Variants in ZCCHC7 observed in about 807,000 individuals in gnomAD.
The protein encoded by ZCCHC7 is zinc finger CCHC-type containing 7.
Under a neutral mutation model 52.0 loss-of-function variants are expected in ZCCHC7, and 35 were observed. The ratio of observed to expected loss-of-function variants is 0.67; its 90% CI spans 0.51 to 0.89. ZCCHC7 has a LOEUF of 0.89. Among genes scored for constraint, ZCCHC7 ranks in the 40% least tolerant of loss-of-function variants. ZCCHC7 has a pLI of 0.00. For missense variants in ZCCHC7, 574 were observed against 649.1 expected (o/e 0.88, Z 1.26); for synonymous variants, 217 against 221.5 (o/e 0.98, Z 0.18).
At chr9:37,161,362 T>A (rs892468110) in intron 2 of ZCCHC7, among the ~76,000 whole-genome samples, 1 of 151,956 alleles carries the variant, frequency 6.6e-6, no homozygotes, top group Non-Finnish European at 1.5e-5. Flanking sequence ...ATCACGAGGT[T>A]AGGAGATCGA....
chr9:37,336,034 A>G lies in ZCCHC7; in HGVS notation c.987+8200A>G, dbSNP rs568187392. ...TTGAAAAATTCACCCAAACATAAACATACCCCAATTAGAATACTTTCTGCT... is the reference window on the plus strand; with the variant it reads ...TTGAAAAATTCACCCAAACATAAACGTACCCCAATTAGAATACTTTCTGCT... On this transcript the variant is annotated intron_variant, in intron 6 of 8. Transcript: ENST00000336755. Among the ~76,000 whole-genome samples the G allele has an allele frequency of 1.6e-4, 24 of 152,294 alleles. No homozygotes were observed. In the East Asian group the frequency reaches 4.4e-3, roughly 28 times the overall value.
intron 2 of ZCCHC7, among the ~76,000 whole-genome samples, chr9:37,152,881 T>C (rs1820608204): frequency 6.6e-6 from 1 of 152,214 alleles, no homozygotes; most frequent in South Asian, 2.1e-4. Context: ...TGTTATGCTC[T>C]ACCTTCTTGA....
chr9:37,205,774 C>T (rs1823873706), intron 2 of ZCCHC7, among the ~76,000 whole-genome samples: 1 of 152,220 alleles, frequency 6.6e-6, no homozygotes, highest in Admixed American at 6.5e-5. Context: ...CCTTGGCTTC[C>T]CAAAGTGCTG....
intron 1 of ZCCHC7, among the ~76,000 whole-genome samples, chr9:37,126,088 A>G (rs544923385): frequency 3.3e-5 from 5 of 152,354 alleles, no homozygotes; most frequent in South Asian, 4.1e-4. Flanking sequence ...ATCAATAACT[A>G]TAACTCAATT....
At chr9:37,120,938 C>G (rs1036841626) in intron 1 of ZCCHC7, 2 of 158,508 alleles carry the variant, frequency 1.3e-5, no homozygotes, top group African/African-American at 2.4e-5. Context: ...CGCAAGGCCC[C>G]CAGTCTTCTA....
chr9:37,195,962 G>A (rs1047835913), intron 2 of ZCCHC7, among the ~76,000 whole-genome samples: 2 of 152,144 alleles, frequency 1.3e-5, no homozygotes, highest in Non-Finnish European at 2.9e-5. Flanking sequence ...ACTACTGATA[G>A]CAATAGGGAA....
chr9:37,327,687 GCTT>G, intron 5 of ZCCHC7, 109 bp from the exon 6 acceptor site: 8 of 1,146,876 alleles, frequency 7.0e-6, no homozygotes, highest in South Asian at 2.8e-5. Context: ...TTTCTGTTAA[GCTT>G]CTTATTTTCC....
intron 2 of ZCCHC7, among the ~76,000 whole-genome samples, chr9:37,252,192 C>T (rs1219765145): frequency 2.0e-5 from 3 of 152,056 alleles, no homozygotes; most frequent in Non-Finnish European, 2.9e-5. Context: ...TCTGAAACTG[C>T]CCTAGTATAT....
intron 2 of ZCCHC7, among the ~76,000 whole-genome samples, chr9:37,172,612 A>G (rs1235574036): frequency 2.0e-5 from 3 of 152,246 alleles, no homozygotes; most frequent in Non-Finnish European, 4.4e-5. Context: ...TGTGTGAGCA[A>G]CGACATGAGT....
At chr9:37,226,539 A>G (rs1825113745) in intron 2 of ZCCHC7, among the ~76,000 whole-genome samples, 1 of 152,234 alleles carries the variant, frequency 6.6e-6, no homozygotes, top group Admixed American at 6.5e-5. Context: ...ATGGGACAGA[A>G]AAGAATCTAG....
intron 5 of ZCCHC7, among the ~76,000 whole-genome samples, chr9:37,326,589 A>G (rs2118130762): frequency 6.6e-6 from 1 of 151,964 alleles, no homozygotes; most frequent in Non-Finnish European, 1.5e-5. Context: ...GTTTCAGCAT[A>G]GTTGAAACAT....
At chr9:37,188,518 C>T (rs1588449909) in intron 2 of ZCCHC7, among the ~76,000 whole-genome samples, 1 of 105,568 alleles carries the variant, frequency 9.5e-6, no homozygotes, top group African/African-American at 3.6e-5. Flanking sequence ...CCCCCTCCCC[C>T]CTCTCCCCAC....
intron 2 of ZCCHC7, among the ~76,000 whole-genome samples, chr9:37,231,112 T>A (rs535712225): frequency 6.6e-6 from 1 of 152,266 alleles, no homozygotes; most frequent in African/African-American, 2.4e-5. Context: ...ACCCCACTAA[T>A]TTTTTCTATT....
chr9:37,155,302 A>T (rs1588391914), intron 2 of ZCCHC7, among the ~76,000 whole-genome samples: 2 of 151,090 alleles, frequency 1.3e-5, no homozygotes, highest in African/African-American at 4.9e-5. Flanking sequence ...CAGAGGTTTC[A>T]GTGAGCCACC....
intron 2 of ZCCHC7, among the ~76,000 whole-genome samples, chr9:37,219,421 T>C (rs1378235366): frequency 6.6e-6 from 1 of 152,224 alleles, no homozygotes; most frequent in Non-Finnish European, 1.5e-5. Context: ...TACCTGAAAA[T>C]TAATTCCTTG....
intron 6 of ZCCHC7, among the ~76,000 whole-genome samples, chr9:37,345,965 T>TTTTGGTTTGG (rs370135658): frequency 7.9e-5 from 12 of 152,020 alleles, no homozygotes; most frequent in African/African-American, 1.9e-4. Flanking sequence ...GTTTTTTTTG[T>TTTTGGTTTGG]TTTGGTTTGG....
intron 2 of ZCCHC7, among the ~76,000 whole-genome samples, chr9:37,182,715 C>T (rs1487432247): frequency 6.6e-6 from 1 of 152,194 alleles, no homozygotes; most frequent in African/African-American, 2.4e-5. Flanking sequence ...TGTGGAAAAT[C>T]AGTCTGTCTT....
chr9:37,161,560 G>A (rs1456459733), intron 2 of ZCCHC7, among the ~76,000 whole-genome samples: 1 of 151,800 alleles, frequency 6.6e-6, no homozygotes, highest in Non-Finnish European at 1.5e-5. Flanking sequence ...GAGGGACAGA[G>A]CAAGACTCTG....
chr9:37,326,494 ATAGG>A (rs1830246368), intron 5 of ZCCHC7, among the ~76,000 whole-genome samples: 1 of 136,774 alleles, frequency 7.3e-6, no homozygotes, highest in South Asian at 2.1e-4. Context: ...ACTGCTTTCT[ATAGG>A]AGCAGTCTAC....
Sources: gnomAD v4.1 joint callset for allele counts (sites outside exome capture counted in the v4.1 genomes callset) on GRCh38, gnomAD v4.1.1 for gene constraint, MANE v1.5 for transcripts, NCBI Gene and HGNC (gene_info 2026-07-23, HGNC 2026-07-21) for gene names.